PPP1R1C: variants seen among roughly 807,000 people sequenced by gnomAD.
PPP1R1C encodes the protein protein phosphatase 1 regulatory subunit 1C.
PPP1R1C carries 15 observed loss-of-function variants against 17.4 expected under a neutral mutation model. The observed-to-expected ratio is 0.86, with a 90% confidence interval of 0.58 to 1.33. The LOEUF (loss-of-function observed/expected upper bound fraction) is 1.33. Among genes scored for constraint, PPP1R1C ranks in the 40% most tolerant of loss-of-function variants. PPP1R1C has a pLI of 0.00. For synonymous variants in PPP1R1C, 35 were observed against 43.1 expected (o/e 0.81, Z 0.73); for missense variants, 143 against 130.0 (o/e 1.10, Z -0.48).
chr2:182,080,598 T>TCAG (rs1688447103), intron 4 of PPP1R1C, among the ~76,000 whole-genome samples: 2 of 152,314 alleles, frequency 1.3e-5, no homozygotes, highest in South Asian at 4.1e-4. Context: ...AGAACTATAT[T>TCAG]TCCTCTAATT....
chr2:182,105,168 C>T (rs1689207395), intron 4 of PPP1R1C, among the ~76,000 whole-genome samples: 1 of 152,106 alleles, frequency 6.6e-6, no homozygotes. Flanking sequence ...AGGCTGATGT[C>T]ATTTCTTTAA....
Position 182,025,367 on chromosome 2 carries a change from C to T in PPP1R1C, c.143-36075C>T, listed in dbSNP as rs13018803. The stretch of plus-strand genomic sequence containing the variant: ...ATGCTATCCCTCCCACCTCCCCCAA[C>T]CCCACCACAGTCCCCAGAGTGTGAT... On this transcript the variant is annotated intron_variant, in intron 2 of 4. Coordinates refer to ENST00000682840, the MANE Select transcript of PPP1R1C (RefSeq NM_001080545.3). Among the ~76,000 whole-genome samples the T allele has an allele frequency of 9.2e-3, 1,227 of 132,668 alleles. 5 individuals are homozygous for T. Among genetic ancestry groups the T allele is most frequent in the Middle Eastern group, 0.027 (7 of 256 alleles). The allele number at this position is 132,668 out of a possible 152,430, so 87.0% of individuals were successfully genotyped here.
chr2:182,070,682 A>G (rs1688113977), intron 4 of PPP1R1C, among the ~76,000 whole-genome samples: 1 of 152,212 alleles, frequency 6.6e-6, no homozygotes, highest in Non-Finnish European at 1.5e-5. Context: ...TAGTTGTATA[A>G]AACAGTTCTT....
chr2:182,012,139 T>C (rs1206130497), intron 2 of PPP1R1C, among the ~76,000 whole-genome samples: 1 of 152,024 alleles, frequency 6.6e-6, no homozygotes, highest in Non-Finnish European at 1.5e-5. Context: ...TTATCTATAG[T>C]GTAAATTAGG....
intron 2 of PPP1R1C, among the ~76,000 whole-genome samples, chr2:182,045,315 A>G (rs1687310367): frequency 6.6e-6 from 1 of 152,192 alleles, no homozygotes; most frequent in South Asian, 2.1e-4. Flanking sequence ...TGAAAAGTGA[A>G]TGTTTATTTC....
chr2:182,092,835 G>A (rs1203174487), intron 4 of PPP1R1C, among the ~76,000 whole-genome samples: 1 of 152,168 alleles, frequency 6.6e-6, no homozygotes, highest in East Asian at 1.9e-4. Context: ...CTATCCCTGT[G>A]GCTTTGCAGG....
At chr2:181,987,149 C>T (rs1257067926) in intron 1 of PPP1R1C, among the ~76,000 whole-genome samples, 1 of 151,854 alleles carries the variant, frequency 6.6e-6, no homozygotes, top group East Asian at 1.9e-4. Context: ...ATTTTATTAT[C>T]TATCCTACTG....
rs536032787 is a variant in PPP1R1C at position 182,105,197 on chromosome 2, A to G, written c.242-12010A>G. Among the ~76,000 whole-genome samples, 3 of 152,286 alleles carry G rather than the reference A, an allele frequency of 2.0e-5. No individual in the cohort carries two copies. The South Asian group carries it at 6.2e-4, about 32-fold the overall frequency. Reference sequence around the variant, plus strand: ...TCTTTAATGATTGCTTTGCTTTACTATGTAAAATCAGCTGAGTTTGAGGAA... The same window carrying G: ...TCTTTAATGATTGCTTTGCTTTACTGTGTAAAATCAGCTGAGTTTGAGGAA... On this transcript the variant is annotated intron_variant, in intron 4 of 4. Transcript: ENST00000682840.
chr2:182,096,822 C>T (rs144768874), intron 4 of PPP1R1C, among the ~76,000 whole-genome samples: 2 of 152,302 alleles, frequency 1.3e-5, no homozygotes, highest in African/African-American at 4.8e-5. Context: ...CTGTCAAAAT[C>T]ATGCAAGTTG....
intron 2 of PPP1R1C, among the ~76,000 whole-genome samples, chr2:181,978,608 C>T (rs572081483): frequency 3.9e-5 from 6 of 152,120 alleles, no homozygotes; most frequent in African/African-American, 1.4e-4. Flanking sequence ...TGGCTGTTTT[C>T]TGAGAGGGAG....
At chr2:181,959,642 TGTCAGCTGAAAAAAAAGCC>T (rs1684730830) in intron 1 of PPP1R1C, among the ~76,000 whole-genome samples, 1 of 152,182 alleles carries the variant, frequency 6.6e-6, no homozygotes. Context: ...GTCATTTTAG[TGTCAGCTGAAAAAAAAGCC>T]ACATTTTAGG....
chr2:182,071,759 A>T (rs1311137942), intron 4 of PPP1R1C, among the ~76,000 whole-genome samples: 2 of 152,126 alleles, frequency 1.3e-5, no homozygotes, highest in Non-Finnish European at 2.9e-5. Flanking sequence ...TATACTTTGG[A>T]TTATAACTCA....
intron 2 of PPP1R1C, among the ~76,000 whole-genome samples, chr2:182,034,255 G>T (rs919725770): frequency 6.6e-6 from 1 of 152,004 alleles, no homozygotes; most frequent in African/African-American, 2.4e-5. Context: ...TTTAATTTAT[G>T]ATAATTGTGA....
At chr2:182,044,734 A>G (rs1476255441) in intron 2 of PPP1R1C, among the ~76,000 whole-genome samples, 3 of 152,222 alleles carry the variant, frequency 2.0e-5, no homozygotes, top group Non-Finnish European at 4.4e-5. Context: ...CTTAGTTCCT[A>G]AAAGGATGCA....
intron 2 of PPP1R1C, among the ~76,000 whole-genome samples, chr2:182,061,187 C>A (rs897025745): frequency 9.2e-5 from 14 of 152,034 alleles, no homozygotes; most frequent in African/African-American, 2.7e-4. Flanking sequence ...GGTCCCCTTT[C>A]TGGACTGCTG....
intron 1 of PPP1R1C, among the ~76,000 whole-genome samples, chr2:181,964,697 TTTTA>T (rs147683694): frequency 6.6e-6 from 1 of 151,288 alleles, no homozygotes; most frequent in African/African-American, 2.4e-5. Context: ...CTGTAGTTTA[TTTTA>T]TTTATTTATT....
At chr2:182,070,628 T>A (rs1486279048) in intron 4 of PPP1R1C, among the ~76,000 whole-genome samples, 1 of 152,232 alleles carries the variant, frequency 6.6e-6, no homozygotes, top group Non-Finnish European at 1.5e-5. Context: ...TCCCTATTAT[T>A]TATGTCTCAT....
chr2:182,075,080 C>T (rs6739510), intron 4 of PPP1R1C, among the ~76,000 whole-genome samples: 8,536 of 152,212 alleles, frequency 0.056, 825 homozygotes, highest in African/African-American at 0.2. Context: ...ATGTGATAAG[C>T]ATTGAATTTA....
intron 4 of PPP1R1C, among the ~76,000 whole-genome samples, chr2:182,099,987 C>T (rs1307979116): frequency 6.6e-6 from 1 of 151,086 alleles, no homozygotes; most frequent in East Asian, 1.9e-4. Flanking sequence ...AGAGACTTAA[C>T]AAAAAAAAAG....
Sources: allele counts gnomAD v4.1 joint callset (sites outside exome capture counted in the v4.1 genomes callset), GRCh38; gene constraint gnomAD v4.1.1; transcripts MANE v1.5; gene names NCBI Gene and HGNC (gene_info 2026-07-23, HGNC 2026-07-21).